The following GSDMC variants were observed in gnomAD, a reference collection of about 807,000 sequenced individuals.
GSDMC encodes the protein gasdermin-C.
Under a neutral mutation model 58.0 loss-of-function variants are expected in GSDMC, and 59 were observed. The ratio of observed to expected loss-of-function variants is 1.02; its 90% CI spans 0.82 to 1.26. The LOEUF is 1.26. Ranked by LOEUF, GSDMC falls within the 50% of genes most tolerant of loss-of-function variation. The pLI, the probability that GSDMC is intolerant of heterozygous loss-of-function variation, is 0.00. For synonymous variants in GSDMC, 241 were observed against 220.2 expected (o/e 1.09, Z -0.83); for missense variants, 659 against 598.5 (o/e 1.10, Z -1.06).
chr8:129,751,835 C>T (rs1236424466), intron 9 of GSDMC, 27 bp downstream of exon 9: 1 of 1,581,562 alleles, frequency 6.3e-7, no homozygotes, highest in Non-Finnish European at 8.7e-7. Flanking sequence ...GGATCCCCAC[C>T]CCCACCTCCA....
chr8:129,772,144 C>T (rs2034077097), intron 3 of GSDMC, among the ~76,000 whole-genome samples: 1 of 151,844 alleles, frequency 6.6e-6, no homozygotes, highest in African/African-American at 2.4e-5. Context: ...GCCTGTAGTC[C>T]CAGCTGCTCG....
chr8:129,720,540 AAT>A, the GSDMC span, among the ~76,000 whole-genome samples: 1 of 152,214 alleles, frequency 6.6e-6, no homozygotes, highest in Non-Finnish European at 1.5e-5. Context: ...ATAAAATATT[AAT>A]GTTATTCTAT....
intron 6 of GSDMC, among the ~76,000 whole-genome samples, chr8:129,754,052 C>A (rs1472011353): frequency 6.6e-6 from 1 of 152,214 alleles, no homozygotes; most frequent in Non-Finnish European, 1.5e-5. Context: ...ATCTCTGTAC[C>A]CACCCAAGGC....
intron 1 of GSDMC, 23 bp from the exon 2 acceptor site, chr8:129,777,614 C>A: frequency 7.9e-7 from 1 of 1,268,200 alleles, no homozygotes; most frequent in Non-Finnish European, 1.1e-6. Flanking sequence ...GAAAGGAGAG[C>A]ATCAGTTGGG....
At chr8:129,735,132 A>T in the GSDMC span, among the ~76,000 whole-genome samples, 3 of 152,230 alleles carry the variant, frequency 2.0e-5, no homozygotes, top group Non-Finnish European at 4.4e-5. Context: ...TGCACCCAAT[A>T]CAGGAGCACC....
the GSDMC span, among the ~76,000 whole-genome samples, chr8:129,709,962 T>G: frequency 6.6e-6 from 1 of 152,368 alleles, no homozygotes; most frequent in African/African-American, 2.4e-5. Flanking sequence ...CTTTCAAGTT[T>G]CTGTGATGGT....
chr8:129,767,885 T>C (rs2033921028), intron 3 of GSDMC, among the ~76,000 whole-genome samples: 1 of 151,928 alleles, frequency 6.6e-6, no homozygotes, highest in Non-Finnish European at 1.5e-5. Flanking sequence ...CCTGCCCAAT[T>C]ATATACCCTG....
chr8:129,730,500 T>A, the GSDMC span: 1 of 613,614 alleles, frequency 1.6e-6, no homozygotes, highest in African/African-American at 1.9e-5. Flanking sequence ...CTACAGCACA[T>A]CCACATAGTG....
At chr8:129,757,509 C>T (rs2033487086) in intron 6 of GSDMC, among the ~76,000 whole-genome samples, 1 of 151,876 alleles carries the variant, frequency 6.6e-6, no homozygotes, top group Admixed American at 6.6e-5. Context: ...ACTCAAACTA[C>T]TCCAAAAAAT....
chr8:129,771,022 T>C (rs903976981), intron 3 of GSDMC, among the ~76,000 whole-genome samples: 1 of 149,766 alleles, frequency 6.7e-6, no homozygotes, highest in African/African-American at 2.4e-5. Flanking sequence ...TTTTTTTATA[T>C]ATATATGTAT....
chr8:129,707,930 C>A, the GSDMC span, among the ~76,000 whole-genome samples: 3,082 of 152,216 alleles, frequency 0.02, 115 homozygotes, highest in African/African-American at 0.07. Context: ...AAGCTCTAGT[C>A]CAAATGGCCT....
At chr8:129,744,413 A>G (rs1317998577), downstream of GSDMC, among the ~76,000 whole-genome samples, 1 of 152,224 alleles carries the variant, frequency 6.6e-6, no homozygotes, top group Non-Finnish European at 1.5e-5. Context: ...GATGGAGGTT[A>G]GGTAATTATT....
the GSDMC span, chr8:129,729,833 A>G: frequency 1.4e-6 from 1 of 713,932 alleles, no homozygotes; most frequent in East Asian, 2.7e-5. Flanking sequence ...AAAGACAGAA[A>G]AGCAAGGCTG....
the GSDMC span, among the ~76,000 whole-genome samples, chr8:129,731,236 C>T: frequency 1.3e-5 from 2 of 152,332 alleles, no homozygotes; most frequent in Non-Finnish European, 2.9e-5. Flanking sequence ...GAAGGGGCTC[C>T]TCTTCCCCAT....
In GSDMC at chr8:129,775,512, A is replaced by C. The variant is rs1049493930; in HGVS notation, c.404+590T>G. Among the ~76,000 whole-genome samples the C allele has an allele frequency of 1.1e-4, 16 of 151,846 alleles. 1 individual carries two copies. In the South Asian group the frequency reaches 3.3e-3, roughly 32 times the overall value. ...AAGAGAGTAGATATTAAACGTTCTC[A>C]CCACAAAAAAAATGATAACTAGGTA... On this transcript the variant is annotated intron_variant, in intron 3 of 13. Coordinates refer to ENST00000276708, the MANE Select transcript of GSDMC (RefSeq NM_031415.3).
rs749178914 is a variant in GSDMC at position 129,752,684 on chromosome 8, A to G, written c.844+14T>C. The G allele has an allele frequency of 5.6e-6, 9 of 1,613,864 alleles. No homozygotes were observed. Among genetic ancestry groups the G allele is most frequent in the Non-Finnish European group, 5.9e-6 (7 of 1,179,950 alleles). ...TCAACATAGAAGTAAAAATAAAGTG[A>G]GCAATCACAGTACCTGGTTTTAACT... On this transcript the variant is annotated intron_variant, in intron 7 of 13. Coordinates refer to ENST00000276708, the MANE Select transcript of GSDMC (RefSeq NM_031415.3).
At chr8:129,734,716 T>C in the GSDMC span, among the ~76,000 whole-genome samples, 1 of 152,140 alleles carries the variant, frequency 6.6e-6, no homozygotes, top group African/African-American at 2.4e-5. Context: ...AACAGCCAAA[T>C]TGTAAAGACC....
chr8:129,732,388 G>A, the GSDMC span, among the ~76,000 whole-genome samples: 1 of 151,404 alleles, frequency 6.6e-6, no homozygotes, highest in Admixed American at 6.6e-5. Context: ...CCCTAGGGAG[G>A]GGGGAAAAGG....
the GSDMC span, among the ~76,000 whole-genome samples, chr8:129,734,256 A>T: frequency 6.6e-6 from 1 of 152,248 alleles, no homozygotes; most frequent in Non-Finnish European, 1.5e-5. Context: ...ACTCTTCAGG[A>T]TATTATCCAG....
Sources: gnomAD v4.1 joint callset for allele counts (sites outside exome capture counted in the v4.1 genomes callset) on GRCh38, gnomAD v4.1.1 for gene constraint, MANE v1.5 for transcripts, NCBI Gene and HGNC (gene_info 2026-07-23, HGNC 2026-07-21) for gene names.